EDN3: variants seen among roughly 807,000 people sequenced by gnomAD.
The protein encoded by EDN3 is endothelin-3.
A neutral mutation model predicts 21.4 loss-of-function variants in EDN3; 9 were observed. The ratio of observed to expected loss-of-function variants is 0.42; its 90% CI spans 0.25 to 0.73. The LOEUF (loss-of-function observed/expected upper bound fraction) is 0.73. EDN3 is among the 30% of genes least tolerant of loss of function. EDN3 has a pLI of 0.26. For missense variants in EDN3, 327 were observed against 309.4 expected (o/e 1.06, Z -0.43); for synonymous variants, 133 against 126.2 (o/e 1.05, Z -0.36).
intron 2 of EDN3, among the ~76,000 whole-genome samples, chr20:59,310,373 A>C (rs1282020236): frequency 6.6e-6 from 1 of 152,164 alleles, no homozygotes; most frequent in Non-Finnish European, 1.5e-5. Flanking sequence ...AATTAATTGC[A>C]CTCGGAAAAT....
At position 59,324,495 on chromosome 20, in the gene EDN3, T is replaced by C. The variant is rs750694380; in HGVS notation, c.*36T>C. 2.3e-5 allele frequency: 37 copies of C among 1,613,590 alleles called. No homozygotes were observed. Among genetic ancestry groups the C allele is most frequent in the Non-Finnish European group, 2.7e-5 (32 of 1,179,888 alleles). ...CTGCAGCATCCTGGTCTCGGGAGGC[T>C]TCTGTCATTGCTCACACACAGTTCA... On this transcript the variant is annotated 3_prime_UTR_variant, in exon 5 of 5. Transcript: ENST00000337938.
intron 2 of EDN3, among the ~76,000 whole-genome samples, chr20:59,307,911 CT>C (rs1989540569): frequency 7.4e-6 from 1 of 135,412 alleles, no homozygotes; most frequent in African/African-American, 2.8e-5. Context: ...GGGTTTTGTT[CT>C]TTTTGATAGT....
At chr20:59,314,751 G>T (rs895695438) in intron 2 of EDN3, among the ~76,000 whole-genome samples, 6 of 152,124 alleles carry the variant, frequency 3.9e-5, no homozygotes, top group African/African-American at 2.4e-5. Flanking sequence ...GTGGCAGACT[G>T]GATCCTAGGA....
At chr20:59,317,727 T>C (rs887088376) in intron 2 of EDN3, among the ~76,000 whole-genome samples, 3 of 152,196 alleles carry the variant, frequency 2.0e-5, no homozygotes, top group African/African-American at 7.2e-5. Flanking sequence ...TGCTGAAGAA[T>C]GTTGGAGATT....
chr20:59,300,742 G>A lies in EDN3; in HGVS notation c.-71G>A. The A allele has an allele frequency of 1.3e-6, 2 of 1,530,416 alleles. No individual in the cohort carries two copies. The highest frequency in any genetic ancestry group is 1.8e-6 in the Non-Finnish European group (2 of 1,127,134). The allele number at this position is 1,530,416 out of a possible 1,614,324, so 94.8% of individuals were successfully genotyped here. On this transcript the variant is annotated 5_prime_UTR_variant, in exon 1 of 5. Transcript: ENST00000337938. The stretch of plus-strand genomic sequence containing the variant: ...TGGAGGGCGAGGCCAGCTGTACCCG[G>A]CCCCAGTGCCCTTTCGCGGCCACAA...
chr20:59,320,441 G>A (rs1990457682), intron 2 of EDN3, among the ~76,000 whole-genome samples: 1 of 152,242 alleles, frequency 6.6e-6, no homozygotes, highest in Admixed American at 6.5e-5. Context: ...CCAGCACGTA[G>A]GTTGCCCCAC....
chr20:59,314,786 C>T (rs3026592), intron 2 of EDN3, among the ~76,000 whole-genome samples: 4,647 of 152,238 alleles, frequency 0.031, 102 homozygotes, highest in Non-Finnish European at 0.048. Flanking sequence ...ATGCTGGCCT[C>T]GGGCTCCAGA....
Position 59,322,436 on chromosome 20 carries a change from G to A in EDN3, c.588+19G>A, listed in dbSNP as rs776520707. 1.2e-6 allele frequency: 2 copies of A among 1,614,240 alleles called. No individual in the cohort carries two copies. Among genetic ancestry groups the A allele is most frequent in the Admixed American group, 1.7e-5 (1 of 60,038 alleles). Reference sequence around the variant, plus strand: ...AGGGAAGGTGAGAGGTGCCAACAGAGGCCTGTGTCAAAGGAGGTGAAGATG... The same window carrying A: ...AGGGAAGGTGAGAGGTGCCAACAGAAGCCTGTGTCAAAGGAGGTGAAGATG... On this transcript the variant is annotated intron_variant, in intron 4 of 4. Coordinates refer to ENST00000337938, the MANE Select transcript of EDN3 (RefSeq NM_207034.3). This position sits in a 1 kb window ranked among gnomAD's most constrained non-coding sequence, Gnocchi z 4.1.
intron 2 of EDN3, among the ~76,000 whole-genome samples, chr20:59,316,622 A>T (rs1990203733): frequency 6.6e-6 from 1 of 152,242 alleles, no homozygotes; most frequent in South Asian, 2.1e-4. Context: ...TTATTTAAAA[A>T]CTTCTTGTAG....
intron 2 of EDN3, among the ~76,000 whole-genome samples, chr20:59,306,972 C>A (rs991039993): frequency 6.6e-6 from 1 of 152,108 alleles, no homozygotes; most frequent in Admixed American, 6.5e-5. Context: ...TGGTGAAACC[C>A]CGTCTGTACT....
At chr20:59,302,398 CT>C (rs1356105040) in intron 2 of EDN3, among the ~76,000 whole-genome samples, 1 of 152,174 alleles carries the variant, frequency 6.6e-6, no homozygotes, top group Non-Finnish European at 1.5e-5. Context: ...CTCTCTTACC[CT>C]AGGGCCTAGA....
At chr20:59,310,621 T>C (rs570690941) in intron 2 of EDN3, among the ~76,000 whole-genome samples, 1 of 152,274 alleles carries the variant, frequency 6.6e-6, no homozygotes, top group African/African-American at 2.4e-5. Context: ...TCTTCTTTTG[T>C]GGCCTCCTCA....
intron 2 of EDN3, among the ~76,000 whole-genome samples, chr20:59,311,296 A>G (rs191298039): frequency 4.6e-5 from 7 of 152,252 alleles, no homozygotes; most frequent in Non-Finnish European, 2.9e-5. Context: ...CGAGCAAGAA[A>G]GAATTCAAGG....
intron 2 of EDN3, among the ~76,000 whole-genome samples, chr20:59,306,618 A>AAAAAAAAAAAAAAAAAAAAAAAAAC (rs1989444362): frequency 6.6e-6 from 1 of 151,054 alleles, no homozygotes; most frequent in East Asian, 1.9e-4. Flanking sequence ...AAAAAAAAAA[A>AAAAAAAAAAAAAAAAAAAAAAAAAC]AGCATTAACA....
chr20:59,312,346 G>A (rs974838851), intron 2 of EDN3, among the ~76,000 whole-genome samples: 14 of 152,118 alleles, frequency 9.2e-5, no homozygotes, highest in Non-Finnish European at 1.6e-4. Flanking sequence ...CCCAAGTTTT[G>A]GAGGAGTTTG....
intron 2 of EDN3, among the ~76,000 whole-genome samples, chr20:59,303,360 T>C (rs996012393): frequency 1.3e-5 from 2 of 152,204 alleles, no homozygotes; most frequent in Admixed American, 6.5e-5. Context: ...CACCTTTCCT[T>C]GTAGCCCCTG....
chr20:59,318,007 C>G (rs1990292605), intron 2 of EDN3, among the ~76,000 whole-genome samples: 1 of 152,218 alleles, frequency 6.6e-6, no homozygotes. Context: ...TCTGGCCATG[C>G]CTCCCACCCC....
rs1175329097 is a variant in EDN3 at position 59,320,832 on chromosome 20, G to GCACAGTTCACT, written c.366-185_366-184insCACAGTTCACT. On this transcript the variant is annotated intron_variant, in intron 2 of 4. Transcript: ENST00000337938. ...CCCCAACTCTCTTCCTGGGGGTTGT[G>GCACAGTTCACT]GAGGGCAGGGGGTGCACAGTTCACT... 2.6e-5 allele frequency among the ~76,000 whole-genome samples: 4 copies of GCACAGTTCACT among 152,338 alleles called. No homozygotes were observed. In the East Asian group the frequency reaches 7.7e-4, roughly 29 times the overall value.
At chr20:59,324,237 A>G (rs1429199778) in intron 4 of EDN3, 94 bp from the exon 5 acceptor site, 1 of 1,505,498 alleles carries the variant, frequency 6.6e-7, no homozygotes, top group Non-Finnish European at 9.2e-7. Flanking sequence ...GGCAGTGGGA[A>G]GACGTTCCCT....
Sources: gnomAD v4.1 joint callset for allele counts (sites outside exome capture counted in the v4.1 genomes callset) on GRCh38, gnomAD v4.1.1 for gene constraint, Gnocchi (gnomAD v3.1) non-coding constraint, MANE v1.5 for transcripts, NCBI Gene and HGNC (gene_info 2026-07-23, HGNC 2026-07-21) for gene names.